Variants in KIF2A observed in about 807,000 individuals in gnomAD.
KIF2A encodes kinesin family member 2A, also known as kinesin-like protein KIF2A.
KIF2A carries 22 observed loss-of-function variants against 100.2 expected under a neutral mutation model. The ratio of observed to expected loss-of-function variants is 0.22; its 90% CI spans 0.16 to 0.31. The LOEUF is 0.31. KIF2A is among the 10% of genes least tolerant of loss of function. KIF2A has a pLI of 1.00. For synonymous variants in KIF2A, 268 were observed against 285.9 expected, an observed-to-expected ratio of 0.94 and a Z score of 0.63; for missense variants, 495 against 898.7, an observed-to-expected ratio of 0.55 and a Z score of 5.74.
intron 19 of KIF2A, among the ~76,000 whole-genome samples, chr5:62,378,202 T>C (rs1300391082): frequency 6.6e-6 from 1 of 152,220 alleles, no homozygotes. Flanking sequence ...GAGCTGTCAG[T>C]GGCAAGTTAA....
At chr5:62,358,020 C>G in intron 8 of KIF2A, 117 bp from the exon 9 acceptor site, 4 of 782,190 alleles carry the variant, frequency 5.1e-6, no homozygotes, top group Middle Eastern at 3.8e-4. Context: ...GGGATATTAT[C>G]TTTATATGTA....
At position 62,306,374 on chromosome 5, in the gene KIF2A, G is replaced by A; in HGVS notation, c.-99G>A. The A allele has an allele frequency of 2.0e-6, 2 of 977,064 alleles. No individual in the cohort carries two copies. Among genetic ancestry groups the A allele is most frequent in the Non-Finnish European group, 1.5e-6 (1 of 647,426 alleles). The allele number at this position is 977,064 out of a possible 1,614,324, so 60.5% of individuals were successfully genotyped here. A position where few individuals can be genotyped will look rare whatever the true frequency, so the allele number is the denominator to read the frequency against. On this transcript the variant is annotated 5_prime_UTR_variant, in exon 1 of 21. Coordinates refer to ENST00000407818, the MANE Select transcript of KIF2A (RefSeq NM_001098511.3). ...GTCGCCCGGGCCGGCGCGGCCGCGGGCAACCGCTCCCCCTCCCACACCTAC... is the reference window on the plus strand; with the variant it reads ...GTCGCCCGGGCCGGCGCGGCCGCGGACAACCGCTCCCCCTCCCACACCTAC...
intron 7 of KIF2A, among the ~76,000 whole-genome samples, chr5:62,355,544 CTTTCCTTTCTG>C (rs1359530479): frequency 2.0e-5 from 3 of 152,204 alleles, no homozygotes; most frequent in Non-Finnish European, 4.4e-5. Flanking sequence ...AGAAGACTCA[CTTTCCTTTCTG>C]ACTGTGAGTT....
At chr5:62,369,167 T>C (rs538528830) in intron 16 of KIF2A, among the ~76,000 whole-genome samples, 53 of 152,214 alleles carry the variant, frequency 3.5e-4, no homozygotes, top group Non-Finnish European at 6.5e-4. Context: ...TACTGTTATA[T>C]CATGTAACTC....
intron 1 of KIF2A, among the ~76,000 whole-genome samples, chr5:62,322,899 T>C (rs1746174223): frequency 7.6e-6 from 1 of 131,708 alleles, no homozygotes; most frequent in South Asian, 2.3e-4. Context: ...TTAATGTTAC[T>C]TTAAAATAGA....
At position 62,390,006 on chromosome 5, in the gene KIF2A, C is replaced by T. The variant is rs1460460130; in HGVS notation, c.*4437C>T. On this transcript the variant is annotated 3_prime_UTR_variant, in exon 21 of 21. Coordinates refer to ENST00000407818, the MANE Select transcript of KIF2A (RefSeq NM_001098511.3). Reference sequence around the variant, plus strand: ...TGCCTAGGATTAACATCTAAAATGACTCAGTAGTACTGCTAGCCAGCCAAT... The same window carrying T: ...TGCCTAGGATTAACATCTAAAATGATTCAGTAGTACTGCTAGCCAGCCAAT... 6.6e-6 allele frequency among the ~76,000 whole-genome samples: 1 copy of T among 152,188 alleles called. No homozygotes were observed. The highest frequency in any genetic ancestry group is 1.5e-5 in the Non-Finnish European group (1 of 68,018).
At chr5:62,334,411 C>T (rs1204095657) in intron 1 of KIF2A, among the ~76,000 whole-genome samples, 1 of 151,754 alleles carries the variant, frequency 6.6e-6, no homozygotes, top group Non-Finnish European at 1.5e-5. Context: ...CATCCACAGT[C>T]TCCCCTCACT....
At chr5:62,322,305 A>AT (rs1328047868) in intron 1 of KIF2A, among the ~76,000 whole-genome samples, 6 of 151,984 alleles carry the variant, frequency 3.9e-5, no homozygotes, top group Non-Finnish European at 5.9e-5. Context: ...CTTTATAGAT[A>AT]TTTTTTCTCA....
At chr5:62,374,937 T>G (rs958815740) in intron 18 of KIF2A, among the ~76,000 whole-genome samples, 5 of 152,120 alleles carry the variant, frequency 3.3e-5, no homozygotes, top group Non-Finnish European at 7.4e-5. Flanking sequence ...AAAAAAAATT[T>G]TTTAAAGCTT....
intron 1 of KIF2A, among the ~76,000 whole-genome samples, chr5:62,331,569 G>T (rs1184235887): frequency 6.6e-6 from 1 of 152,126 alleles, no homozygotes; most frequent in Admixed American, 6.6e-5. Flanking sequence ...CAGCCTGGGT[G>T]ACAGAGCGAG....
intron 5 of KIF2A, chr5:62,353,039 C>A (rs1747933207): frequency 4.7e-6 from 2 of 423,358 alleles, no homozygotes; most frequent in Non-Finnish European, 8.4e-6. Context: ...GTTTCTAAAC[C>A]AAGAGATGAC....
intron 16 of KIF2A, among the ~76,000 whole-genome samples, chr5:62,366,685 G>A (rs560736400): frequency 5.3e-5 from 8 of 152,154 alleles, no homozygotes; most frequent in Admixed American, 3.3e-4. Context: ...CAAAAAATTA[G>A]CCAGGCATGG....
At chr5:62,338,763 A>G (rs1189344111) in intron 1 of KIF2A, among the ~76,000 whole-genome samples, 4 of 152,350 alleles carry the variant, frequency 2.6e-5, no homozygotes, top group South Asian at 2.1e-4. Context: ...ACATGAAAAG[A>G]TAAGCCACAA....
intron 1 of KIF2A, among the ~76,000 whole-genome samples, chr5:62,345,830 AT>A: frequency 6.6e-6 from 1 of 152,280 alleles, no homozygotes; most frequent in South Asian, 2.1e-4. Flanking sequence ...AAGGATTTCT[AT>A]TAGGAAATAT....
intron 1 of KIF2A, among the ~76,000 whole-genome samples, chr5:62,307,385 A>G (rs538318891): frequency 6.6e-6 from 1 of 151,608 alleles, no homozygotes; most frequent in Non-Finnish European, 1.5e-5. Context: ...TTTTTTTTTT[A>G]AGAGCCTTAG....
In KIF2A at chr5:62,306,221, G is replaced by A; in HGVS notation, c.-252G>A. 2.2e-6 allele frequency: 1 copy of A among 449,058 alleles called. No homozygotes were observed. Among genetic ancestry groups the A allele is most frequent in the African/African-American group, 2.1e-5 (1 of 47,512 alleles). 27.8% of individuals were successfully genotyped at this position (449,058 alleles called of 1,614,324 possible). On this transcript the variant is annotated 5_prime_UTR_variant, in exon 1 of 21. Transcript: ENST00000407818. ...GGGCCCTCCCACTCTACCCCGCGCC[G>A]TCTCACGGCCCCGGCCCTAGCTTCA...
At chr5:62,372,653 G>C (rs1402083821) in intron 17 of KIF2A, 102 bp downstream of exon 17, 5 of 637,476 alleles carry the variant, frequency 7.8e-6, no homozygotes, top group Non-Finnish European at 2.6e-6. Flanking sequence ...AGCCATTTTA[G>C]TTTTCATTGT....
rs531070930 is a variant in KIF2A at position 62,337,151 on chromosome 5, T to C, written c.65-9979T>C. On this transcript the variant is annotated intron_variant, in intron 1 of 20. Transcript: ENST00000407818. ...TAATCTAATTTCACACCAACTATTCTAGAGTACGGAAAGGGAAAACTCTGC... is the reference window on the plus strand; with the variant it reads ...TAATCTAATTTCACACCAACTATTCCAGAGTACGGAAAGGGAAAACTCTGC... Among the ~76,000 whole-genome samples the C allele has an allele frequency of 2.6e-5, 4 of 152,336 alleles. No individual in the cohort carries two copies. The East Asian group carries it at 7.7e-4, about 29-fold the overall frequency.
chr5:62,312,029 C>T (rs551891728), intron 1 of KIF2A: 3 of 152,192 alleles, frequency 2.0e-5, no homozygotes, highest in African/African-American at 7.2e-5. Context: ...GTGCTGCTGA[C>T]AGATGTTTGC....
Sources: allele counts gnomAD v4.1 joint callset (sites outside exome capture counted in the v4.1 genomes callset), GRCh38; gene constraint gnomAD v4.1.1; transcripts MANE v1.5; gene names NCBI Gene and HGNC (gene_info 2026-07-23, HGNC 2026-07-21).